The following NSD3 variants were observed in gnomAD, a reference collection of about 807,000 sequenced individuals.
NSD3 encodes histone-lysine N-methyltransferase NSD3.
Under a neutral mutation model 160.8 loss-of-function variants are expected in NSD3, and 24 were observed. That is an observed-to-expected ratio of 0.15 (90% CI 0.11 to 0.21). The LOEUF (loss-of-function observed/expected upper bound fraction) is 0.21, where lower values mean the gene tolerates loss of function less well. Ranked by LOEUF, NSD3 falls within the 10% of genes least tolerant of loss-of-function variation. The probability of loss-of-function intolerance (pLI) is 1.00; values close to 1 mark genes in which losing one functional copy is unlikely to be tolerated. For missense variants in NSD3, 1,157 were observed against 1,735.9 expected (o/e 0.67, Z 5.93); for synonymous variants, 520 against 600.0 (o/e 0.87, Z 1.95).
chr8:38,305,094 T>C (rs1809366452), intron 13 of NSD3, among the ~76,000 whole-genome samples, 154 bp downstream of exon 13: 1 of 152,256 alleles, frequency 6.6e-6, no homozygotes, highest in Admixed American at 6.5e-5. Context: ...TAATCTCTAC[T>C]TAACATGTAC....
At chr8:38,354,022 C>T (rs528628947) in intron 1 of NSD3, among the ~76,000 whole-genome samples, 1 of 152,332 alleles carries the variant, frequency 6.6e-6, no homozygotes, top group Admixed American at 6.5e-5. Flanking sequence ...TTTCCTAGTG[C>T]AATGTCCCTT....
At chr8:38,376,694 C>T (rs1199753263) in intron 1 of NSD3, among the ~76,000 whole-genome samples, 2 of 152,162 alleles carry the variant, frequency 1.3e-5, no homozygotes, top group African/African-American at 2.4e-5. Flanking sequence ...GCCTTGGCCC[C>T]GCAAAGTGCT....
intron 19 of NSD3, among the ~76,000 whole-genome samples, chr8:38,287,590 T>C (rs1329810060): frequency 6.6e-6 from 1 of 152,194 alleles, no homozygotes. Context: ...TGTATTGTAT[T>C]GTATTGATTG....
rs901609626 is a variant in NSD3 at position 38,323,749 on chromosome 8, G to A, written c.1709-2577C>T. On this transcript the variant is annotated intron_variant, in intron 7 of 23. Coordinates refer to ENST00000317025, the MANE Select transcript of NSD3 (RefSeq NM_023034.2). Reference sequence around the variant, plus strand: ...AGGCTGAGGTAGGAGGATCTCTGGAGTCCAGGAGTTTAAGGTTACAGTGAA... The same window carrying A: ...AGGCTGAGGTAGGAGGATCTCTGGAATCCAGGAGTTTAAGGTTACAGTGAA... 4.7e-5 allele frequency among the ~76,000 whole-genome samples: 7 copies of A among 148,824 alleles called. No individual in the cohort carries two copies. The East Asian group carries it at 1.4e-3, about 30-fold the overall frequency.
intron 7 of NSD3, among the ~76,000 whole-genome samples, chr8:38,324,388 T>C (rs568100070): frequency 6.6e-6 from 1 of 152,232 alleles, no homozygotes; most frequent in Non-Finnish European, 1.5e-5. Flanking sequence ...CTAGCCCAAG[T>C]ACTTTTGTGA....
intron 12 of NSD3, 88 bp from the exon 13 acceptor site, chr8:38,305,533 C>A: frequency 8.2e-7 from 1 of 1,217,700 alleles, no homozygotes; most frequent in Non-Finnish European, 1.2e-6. Flanking sequence ...ACAGCTACTC[C>A]TAAAACAGAC....
rs1031630256 is a variant in NSD3, at chr8:38,288,342, A to C, written c.3501+145T>G. Reference sequence around the variant, plus strand: ...TCTTCCTACTACTCTTCTTTGCTCAAGAAGTACCAAACTCTCAACATGGAA... The same window carrying C: ...TCTTCCTACTACTCTTCTTTGCTCACGAAGTACCAAACTCTCAACATGGAA... On this transcript the variant is annotated intron_variant, in intron 19 of 23. Transcript: ENST00000317025. This position sits in a 1 kb window ranked among gnomAD's most constrained non-coding sequence, Gnocchi z 4.5. 6 of 1,186,700 alleles carry C rather than the reference A, an allele frequency of 5.1e-6. No individual in the cohort carries two copies. The East Asian group carries it at 1.2e-4, about 24-fold the overall frequency. The allele number at this position is 1,186,700 out of a possible 1,614,324, so 73.5% of individuals were successfully genotyped here.
chr8:38,369,693 AACACTGATCTTC>A, intron 1 of NSD3, among the ~76,000 whole-genome samples: 1 of 152,330 alleles, frequency 6.6e-6, no homozygotes, highest in Middle Eastern at 3.4e-3. Context: ...TAGAGATAAG[AACACTGATCTTC>A]AGTGGTAAAG....
At chr8:38,338,674 G>T in intron 2 of NSD3, 67 bp from the exon 3 acceptor site, 1 of 1,218,794 alleles carries the variant, frequency 8.2e-7, no homozygotes, top group Non-Finnish European at 1.2e-6. Flanking sequence ...AAAAAACAGT[G>T]ACATACATAA....
At position 38,273,610 on chromosome 8, in the gene NSD3, A is replaced by C. The variant is rs551385139; in HGVS notation, c.*2031T>G. 2 of 152,390 alleles carry C rather than the reference A, an allele frequency of 1.3e-5. No individual in the cohort carries two copies. Among genetic ancestry groups the C allele is most frequent in the Non-Finnish European group, 2.9e-5 (2 of 68,036 alleles). 9.4% of individuals were successfully genotyped at this position (152,390 alleles called of 1,614,324 possible). A position where few individuals can be genotyped will look rare whatever the true frequency, so the allele number is the denominator to read the frequency against. On this transcript the variant is annotated 3_prime_UTR_variant, in exon 24 of 24. Transcript: ENST00000317025. ...CTTATGTTAGTAAGTTTAAAAAACC[A>C]AACATCATATACAAAATAAAATTTT...
chr8:38,277,604 G>T (rs1808631921), intron 22 of NSD3, among the ~76,000 whole-genome samples: 1 of 152,102 alleles, frequency 6.6e-6, no homozygotes. Context: ...AATTGCAAGG[G>T]TAGTGGTAAA....
At chr8:38,351,267 A>C (rs951933323) in intron 1 of NSD3, among the ~76,000 whole-genome samples, 2 of 150,830 alleles carry the variant, frequency 1.3e-5, no homozygotes, top group African/African-American at 2.4e-5. Flanking sequence ...GTGAGCCACC[A>C]TGCCTGGCCT....
In NSD3 at chr8:38,315,551, A is replaced by G. The variant is rs760005922; in HGVS notation, c.1987-7T>C. On this transcript the variant is annotated splice_polypyrimidine_tract_variant and splice_region_variant and intron_variant, in intron 10 of 23. Transcript: ENST00000317025. ...CTTGCTTTCCAAAGCCTACCTACAT[A>G]GAAAACATAGCATTTTTAAGAAAAA... The G allele has an allele frequency of 1.2e-6, 2 of 1,612,398 alleles. No homozygotes were observed. Among genetic ancestry groups the G allele is most frequent in the Non-Finnish European group, 1.7e-6 (2 of 1,179,588 alleles).
intron 14 of NSD3, among the ~76,000 whole-genome samples, chr8:38,301,753 T>C (rs1262612650): frequency 6.6e-6 from 1 of 152,214 alleles, no homozygotes; most frequent in Non-Finnish European, 1.5e-5. Flanking sequence ...GTTTCAGTGT[T>C]CTCACCTGTA....
rs1425566494 is a variant in NSD3, at chr8:38,276,517, G to C, written c.3868-17C>G. Reference sequence around the variant, plus strand: ...ACATGCCGACTGGCAGGAAAGAAAGGATCATAGTTTCAAACATCACAGACA... The same window carrying C: ...ACATGCCGACTGGCAGGAAAGAAAGCATCATAGTTTCAAACATCACAGACA... On this transcript the variant is annotated splice_polypyrimidine_tract_variant and intron_variant, in intron 22 of 23. Coordinates refer to ENST00000317025, the MANE Select transcript of NSD3 (RefSeq NM_023034.2). The C allele has an allele frequency of 3.1e-6, 5 of 1,613,654 alleles. No homozygotes were observed. The highest frequency in any genetic ancestry group is 1.7e-5 in the Admixed American group (1 of 59,980).
intron 20 of NSD3, 55 bp downstream of exon 20, chr8:38,281,412 G>GAAACAA (rs1207561025): frequency 6.1e-6 from 6 of 985,306 alleles, no homozygotes; most frequent in Admixed American, 3.1e-5. Flanking sequence ...TTAAGACTAT[G>GAAACAA]AAACAAAAAC....
intron 1 of NSD3, among the ~76,000 whole-genome samples, chr8:38,359,957 C>T (rs1250376016): frequency 6.6e-6 from 1 of 151,744 alleles, no homozygotes; most frequent in Non-Finnish European, 1.5e-5. Flanking sequence ...AGTACAAATG[C>T]AAATTATTTC....
rs768246699 is a variant in NSD3 at position 38,347,971 on chromosome 8, A to G, written c.201T>C (p.Pro67=). The G allele has an allele frequency of 2.5e-6, 4 of 1,614,180 alleles. No homozygotes were observed. Among genetic ancestry groups the G allele is most frequent in the Non-Finnish European group, 3.4e-6 (4 of 1,180,016 alleles). ...ATGATGGATACCCATTTGTGAGTGG[A>G]GGAAGATCTTCTGTTGTAGCTGGGT... The part of the protein sequence containing the change: ...FQYPATTEDL[P]PLTNGYPSSI... The change falls in exon 2 of 24, where the codon CCT becomes CCC. Residue 67 remains proline, a synonymous_variant. Coordinates refer to ENST00000317025, the MANE Select transcript of NSD3 (RefSeq NM_023034.2).
intron 16 of NSD3, among the ~76,000 whole-genome samples, chr8:38,294,547 TAA>T (rs902859168): frequency 1.2e-4 from 18 of 152,198 alleles, no homozygotes; most frequent in Non-Finnish European, 2.2e-4. Flanking sequence ...CCTTAAATTC[TAA>T]AAAGTTTTCT....
Sources: allele counts gnomAD v4.1 joint callset (sites outside exome capture counted in the v4.1 genomes callset), GRCh38; gene constraint gnomAD v4.1.1; non-coding constraint Gnocchi (gnomAD v3.1); transcripts MANE v1.5; gene names NCBI Gene and HGNC (gene_info 2026-07-23, HGNC 2026-07-21).